Variants in ARID1B observed in about 807,000 individuals in gnomAD.
The protein encoded by ARID1B is AT-rich interactive domain-containing protein 1B.
ARID1B carries 30 observed loss-of-function variants against 212.3 expected under a neutral mutation model. The observed-to-expected ratio is 0.14, with a 90% confidence interval of 0.11 to 0.19. The LOEUF (loss-of-function observed/expected upper bound fraction) is 0.19. Among genes scored for constraint, ARID1B ranks in the 10% least tolerant of loss-of-function variants. The pLI is 1.00. For missense variants in ARID1B, 2,891 were observed against 3,204.0 expected (o/e 0.90, Z 2.36); for synonymous variants, 1,402 against 1,301.7 (o/e 1.08, Z -1.66).
At chr6:157,165,187 T>C (rs931367484) in intron 8 of ARID1B, among the ~76,000 whole-genome samples, 5 of 152,234 alleles carry the variant, frequency 3.3e-5, no homozygotes, top group Admixed American at 6.5e-5. Flanking sequence ...TAGAGGTTAA[T>C]CAGAAGCTGT....
intron 4 of ARID1B, among the ~76,000 whole-genome samples, chr6:157,073,194 C>T (rs1413392724): frequency 6.6e-6 from 1 of 151,430 alleles, no homozygotes; most frequent in Non-Finnish European, 1.5e-5. Context: ...CCTCCGCCTC[C>T]TGGGTTCAGG....
chr6:157,024,320 T>C (rs1405638140), intron 4 of ARID1B: 2 of 152,266 alleles, frequency 1.3e-5, no homozygotes, highest in African/African-American at 4.8e-5. Context: ...AAGTTTCTTT[T>C]TATGTTTGGT....
intron 4 of ARID1B, chr6:156,985,345 G>A (rs1259947946): frequency 6.6e-6 from 1 of 152,174 alleles, no homozygotes; most frequent in African/African-American, 2.4e-5. Flanking sequence ...TGTACTTAGC[G>A]TTTGTGTATA....
At chr6:157,084,553 C>T in intron 4 of ARID1B, 109 bp from the exon 5 acceptor site, 1 of 1,394,312 alleles carries the variant, frequency 7.2e-7, no homozygotes, top group Non-Finnish European at 9.7e-7. Context: ...GGGTGTTACC[C>T]AGAAAACCTT....
At chr6:156,793,426 T>C (rs1292875379) in intron 1 of ARID1B, among the ~76,000 whole-genome samples, 1 of 152,114 alleles carries the variant, frequency 6.6e-6, no homozygotes, top group African/African-American at 2.4e-5. Flanking sequence ...GGCTCGACTT[T>C]CTGGGCTTAA....
At chr6:156,917,738 G>C (rs1476351136) in intron 3 of ARID1B, among the ~76,000 whole-genome samples, 1 of 152,150 alleles carries the variant, frequency 6.6e-6, no homozygotes, top group African/African-American at 2.4e-5. Flanking sequence ...GATTAAAAAT[G>C]AAATGAGGTT....
intron 1 of ARID1B, among the ~76,000 whole-genome samples, chr6:156,804,405 A>G (rs1005927797): frequency 2.0e-5 from 3 of 152,104 alleles, no homozygotes; most frequent in Non-Finnish European, 4.4e-5. Flanking sequence ...CAGATCATAA[A>G]GAGAGCTTTA....
intron 7 of ARID1B, among the ~76,000 whole-genome samples, chr6:157,138,613 G>C (rs1159932733): frequency 6.6e-6 from 1 of 152,128 alleles, no homozygotes; most frequent in Non-Finnish European, 1.5e-5. Flanking sequence ...ATTCTGTGCA[G>C]TCAAAAGACT....
At chr6:156,846,594 T>C (rs1293997954) in intron 2 of ARID1B, among the ~76,000 whole-genome samples, 2 of 152,124 alleles carry the variant, frequency 1.3e-5, no homozygotes, top group Non-Finnish European at 2.9e-5. Context: ...GGCCATCTTG[T>C]TGGCAGACCC....
intron 9 of ARID1B, chr6:157,173,387 G>A (rs1428748719): frequency 6.6e-6 from 1 of 152,262 alleles, no homozygotes; most frequent in Non-Finnish European, 1.5e-5. Context: ...CTCTCAGACA[G>A]ACTGAAAGGA....
intron 4 of ARID1B, among the ~76,000 whole-genome samples, chr6:156,947,993 T>C (rs1434985296): frequency 1.3e-5 from 2 of 152,222 alleles, no homozygotes; most frequent in Non-Finnish European, 2.9e-5. Context: ...AATAGTGGTC[T>C]GTCTGGAGCT....
chr6:156,785,945 TTAG>T (rs1240169748), intron 1 of ARID1B, among the ~76,000 whole-genome samples: 1 of 152,194 alleles, frequency 6.6e-6, no homozygotes, highest in Non-Finnish European at 1.5e-5. Flanking sequence ...ATTACAAAGG[TTAG>T]TAGTTTCACT....
chr6:157,000,624 G>T (rs1778850597), intron 4 of ARID1B, among the ~76,000 whole-genome samples: 1 of 151,770 alleles, frequency 6.6e-6, no homozygotes, highest in South Asian at 2.1e-4. Context: ...AGCATTTTGG[G>T]GGTAGAGTGA....
intron 3 of ARID1B, among the ~76,000 whole-genome samples, chr6:156,915,288 C>T (rs1790255765): frequency 1.3e-5 from 2 of 152,180 alleles, no homozygotes; most frequent in South Asian, 4.1e-4. Context: ...CATTTTAGGC[C>T]AGGCGCAGTG....
chr6:157,144,026 A>G (rs1789551907), intron 7 of ARID1B, among the ~76,000 whole-genome samples: 1 of 152,244 alleles, frequency 6.6e-6, no homozygotes, highest in Non-Finnish European at 1.5e-5. Flanking sequence ...CAGGTTGCAG[A>G]TGCTTCCTGC....
intron 13 of ARID1B, 127 bp downstream of exon 13, chr6:157,184,562 G>A (rs1792831460): frequency 4.5e-6 from 5 of 1,102,832 alleles, no homozygotes; most frequent in Non-Finnish European, 6.6e-6. Context: ...GGGGGTTCCT[G>A]TGTCGTTTTG....
chr6:156,873,419 T>C (rs961894244), intron 2 of ARID1B, among the ~76,000 whole-genome samples: 3 of 152,224 alleles, frequency 2.0e-5, no homozygotes, highest in South Asian at 2.1e-4. Flanking sequence ...TACTAGTCTT[T>C]TATTACTTTA....
intron 4 of ARID1B, chr6:157,071,490 A>G (rs1178192388): frequency 2.0e-5 from 3 of 152,262 alleles, no homozygotes; most frequent in Non-Finnish European, 2.9e-5. Flanking sequence ...CTTAAAAATT[A>G]TAATTATCTT....
intron 1 of ARID1B, among the ~76,000 whole-genome samples, chr6:156,800,432 T>C (rs181595257): frequency 2.6e-5 from 4 of 152,110 alleles, no homozygotes; most frequent in Admixed American, 2.6e-4. Context: ...CTACTAAAAA[T>C]GCAAAAATTA....
Sources: gnomAD v4.1 joint callset for allele counts (sites outside exome capture counted in the v4.1 genomes callset) on GRCh38, gnomAD v4.1.1 for gene constraint, MANE v1.5 for transcripts, NCBI Gene and HGNC (gene_info 2026-07-23, HGNC 2026-07-21) for gene names.